Variants in RNF126 observed in about 807,000 individuals in gnomAD.
The protein encoded by RNF126 is E3 ubiquitin-protein ligase RNF126.
Under a neutral mutation model 41.9 loss-of-function variants are expected in RNF126, and 20 were observed. That is an observed-to-expected ratio of 0.48 (90% CI 0.34 to 0.69). The LOEUF (loss-of-function observed/expected upper bound fraction) is 0.69. Among genes scored for constraint, RNF126 ranks in the 30% least tolerant of loss-of-function variants. RNF126 has a pLI of 0.01. For synonymous variants in RNF126, 239 were observed against 202.9 expected (o/e 1.18, Z -1.51); for missense variants, 433 against 460.6 (o/e 0.94, Z 0.55).
Position 647,831 on chromosome 19 carries a change from T to C in RNF126, c.*297A>G, listed in dbSNP as rs979461843. On this transcript the variant is annotated 3_prime_UTR_variant, in exon 9 of 9. Transcript: ENST00000292363. Reference sequence around the variant, plus strand: ...CACGTGAGCTCAAACGTCCGTTTATTTCAAAGCAGTAATAATTTAAAATTA... The same window carrying C: ...CACGTGAGCTCAAACGTCCGTTTATCTCAAAGCAGTAATAATTTAAAATTA... 4 of 525,648 alleles carry C rather than the reference T, an allele frequency of 7.6e-6. No individual in the cohort carries two copies. The highest frequency in any genetic ancestry group is 1.9e-5 in the African/African-American group (1 of 51,426). 32.6% of individuals were successfully genotyped at this position (525,648 alleles called of 1,614,324 possible).
chr19:654,512 G>A (rs944196984), intron 1 of RNF126, among the ~76,000 whole-genome samples: 14 of 149,464 alleles, frequency 9.4e-5, no homozygotes, highest in African/African-American at 1.2e-4. Flanking sequence ...GTGTGGTGGC[G>A]GGCGCCTGTA....
At chr19:650,055 G>A (rs1420361426) in intron 5 of RNF126, among the ~76,000 whole-genome samples, 179 bp downstream of exon 5, 6 of 136,182 alleles carry the variant, frequency 4.4e-5, no homozygotes, top group African/African-American at 1.4e-4. Flanking sequence ...CTCACCAGGG[G>A]CCCAGGCTGG....
chr19:656,341 AC>A (rs2030561932), intron 1 of RNF126, among the ~76,000 whole-genome samples: 1 of 151,986 alleles, frequency 6.6e-6, no homozygotes, highest in African/African-American at 2.4e-5. Flanking sequence ...AAAAACAAAA[AC>A]AAAAAAAAGA....
At chr19:655,846 C>T (rs954615848) in intron 1 of RNF126, among the ~76,000 whole-genome samples, 1 of 152,150 alleles carries the variant, frequency 6.6e-6, no homozygotes, top group Non-Finnish European at 1.5e-5. Flanking sequence ...CACGACTCAA[C>T]CATGGAAAGG....
In RNF126 at chr19:659,757, C is replaced by T. The variant is rs913317158; in HGVS notation, c.75+3290G>A. ...TGCTGCTCAGACACCCAGACACCCT[C>T]GTCATCGCCTTTTTTTTTTTTTTTT... On this transcript the variant is annotated intron_variant, in intron 1 of 8. Coordinates refer to ENST00000292363, the MANE Select transcript of RNF126 (RefSeq NM_194460.3). This position sits in a 1 kb window ranked among gnomAD's most constrained non-coding sequence, Gnocchi z 4.9. Among the ~76,000 whole-genome samples the T allele has an allele frequency of 6.6e-6, 1 of 151,184 alleles. No individual in the cohort carries two copies. Among genetic ancestry groups the T allele is most frequent in the African/African-American group, 2.4e-5 (1 of 41,064 alleles).
chr19:663,071 G>A lies in RNF126; in HGVS notation c.51C>T (p.Ser17=). The part of the protein sequence containing the change: ...HPGRYFCHCC[S]VEIVPRLPDY... ...CCGGCAGGCGCGGGACGATCTCCAC[G>A]GAGCAGCAGTGGCAGAAGTACCGTC... The change falls in exon 1 of 9, where the codon TCC becomes TCT. Residue 17 remains serine (S), a synonymous_variant. Coordinates refer to ENST00000292363, the MANE Select transcript of RNF126 (RefSeq NM_194460.3). 2.2e-6 allele frequency: 3 copies of A among 1,373,572 alleles called. No homozygotes were observed. The highest frequency in any genetic ancestry group is 1.5e-5 in the South Asian group (1 of 64,674). 85.1% of individuals were successfully genotyped at this position (1,373,572 alleles called of 1,614,324 possible).
chr19:655,722 C>T (rs1050113139), intron 1 of RNF126, among the ~76,000 whole-genome samples: 2 of 152,166 alleles, frequency 1.3e-5, no homozygotes, highest in Non-Finnish European at 2.9e-5. Flanking sequence ...ACGAAGACAC[C>T]TGCCCACCAA....
chr19:654,252 G>A (rs1600636649), intron 1 of RNF126, among the ~76,000 whole-genome samples: 1 of 152,216 alleles, frequency 6.6e-6, no homozygotes, highest in Non-Finnish European at 1.5e-5. Context: ...AGAGTGAAGA[G>A]GCACCATCTA....
rs760534046 is a variant in RNF126 at position 651,793 on chromosome 19, G to A, written c.261C>T (p.Phe87=). The A allele has an allele frequency of 1.4e-5, 22 of 1,612,544 alleles. No homozygotes were observed. The highest frequency in any genetic ancestry group is 1.3e-4 in the Admixed American group (8 of 59,968). ...ACGTGGGGATCTCGAAGCTGTCATC[G>A]AAGATGCCGAAAGCAAACTGTCCGT... The part of the protein sequence containing the change: ...QGYGQFAFGI[F]DDSFEIPTFP... The change falls in exon 4 of 9, where the codon TTC becomes TTT. Residue 87 remains phenylalanine, a synonymous_variant. Transcript: ENST00000292363.
chr19:648,364 G>GGC lies in RNF126; in HGVS notation c.786+7_786+8insGC. ...CGGGGTGGGGGGGCGGGTGGGCGGG[G>GGC]CACTCACCTGCTCCAGCCAGGGCAC... On this transcript the variant is annotated splice_region_variant and intron_variant, in intron 8 of 8. Coordinates refer to ENST00000292363, the MANE Select transcript of RNF126 (RefSeq NM_194460.3). 9.8e-6 allele frequency: 5 copies of GGC among 510,408 alleles called. No homozygotes were observed. The highest frequency in any genetic ancestry group is 1.8e-5 in the Non-Finnish European group (5 of 278,280). The allele number at this position is 510,408 out of a possible 1,614,324, so 31.6% of individuals were successfully genotyped here.
At chr19:662,363 C>G (rs1368419090) in intron 1 of RNF126, among the ~76,000 whole-genome samples, 1 of 152,188 alleles carries the variant, frequency 6.6e-6, no homozygotes, top group African/African-American at 2.4e-5. Flanking sequence ...CGGTGAGGGG[C>G]GGCTGTAAAC....
At position 647,900 on chromosome 19, in the gene RNF126, C is replaced by CA. The variant is rs2030030402; in HGVS notation, c.*227dup. The CA allele has an allele frequency of 3.1e-6, 2 of 644,486 alleles. No homozygotes were observed. The highest frequency in any genetic ancestry group is 1.8e-5 in the African/African-American group (1 of 54,542). The allele number at this position is 644,486 out of a possible 1,614,324, so 39.9% of individuals were successfully genotyped here. A position where few individuals can be genotyped will look rare whatever the true frequency, so the allele number is the denominator to read the frequency against. ...TGAACGTTTAGAGGGTGAGGTTAGACAGAGGACGGGGAGGCTGGGGACGCC... is the reference window on the plus strand; with the variant it reads ...TGAACGTTTAGAGGGTGAGGTTAGACAAGAGGACGGGGAGGCTGGGGACGCC... On this transcript the variant is annotated 3_prime_UTR_variant, in exon 9 of 9. Coordinates refer to ENST00000292363, the MANE Select transcript of RNF126 (RefSeq NM_194460.3).
rs538738565 is a variant in RNF126, at chr19:663,030, C to T, written c.75+17G>A. Reference sequence around the variant, plus strand: ...CGGCGCAGACCCTGCCGCCCGCCGCCCCGGCCCGGGCCTCACCGGCAGGCG... The same window carrying T: ...CGGCGCAGACCCTGCCGCCCGCCGCTCCGGCCCGGGCCTCACCGGCAGGCG... On this transcript the variant is annotated intron_variant, in intron 1 of 8. Coordinates refer to ENST00000292363, the MANE Select transcript of RNF126 (RefSeq NM_194460.3). 3 of 1,330,842 alleles carry T rather than the reference C, an allele frequency of 2.3e-6. No homozygotes were observed. Among genetic ancestry groups the T allele is most frequent in the South Asian group, 1.7e-5 (1 of 59,012 alleles). 82.4% of individuals were successfully genotyped at this position (1,330,842 alleles called of 1,614,324 possible).
intron 1 of RNF126, among the ~76,000 whole-genome samples, chr19:654,316 C>A (rs990407405): frequency 6.6e-6 from 1 of 152,196 alleles, no homozygotes; most frequent in Non-Finnish European, 1.5e-5. Context: ...GCACCACATG[C>A]GTTTCAGCCC....
chr19:651,044 A>C (rs973936817), intron 4 of RNF126, among the ~76,000 whole-genome samples: 1 of 152,182 alleles, frequency 6.6e-6, no homozygotes, highest in Non-Finnish European at 1.5e-5. Context: ...AGCCACTTTT[A>C]AAGATGACAT....
At chr19:656,745 T>C (rs974231297) in intron 1 of RNF126, among the ~76,000 whole-genome samples, 1 of 152,170 alleles carries the variant, frequency 6.6e-6, no homozygotes, top group African/African-American at 2.4e-5. Flanking sequence ...TCTGCCACAG[T>C]GGCCGTGACA....
Position 663,086 on chromosome 19 carries a change from G to T in RNF126, c.36C>A (p.Phe12Leu). Residue 12 changes from phenylalanine to leucine, a missense_variant, in exon 1 of 9, where the codon TTC becomes TTA. Physicochemically the swap from Phe to Leu is conservative, Grantham distance 22. Transcript: ENST00000292363. ...AEASPHPGRY[F>L]CHCCSVEIVP... The stretch of plus-strand genomic sequence containing the variant: ...CGATCTCCACGGAGCAGCAGTGGCA[G>T]AAGTACCGTCCGGGATGCGGCGACG... The T allele has an allele frequency of 3.7e-6, 5 of 1,362,320 alleles. No homozygotes were observed. The highest frequency in any genetic ancestry group is 3.8e-6 in the Non-Finnish European group (4 of 1,051,432). The allele number at this position is 1,362,320 out of a possible 1,614,324, so 84.4% of individuals were successfully genotyped here.
At chr19:649,074 G>A (rs556605026) in intron 6 of RNF126, 99 bp from the exon 7 acceptor site, 15 of 560,564 alleles carry the variant, frequency 2.7e-5, no homozygotes, top group African/African-American at 1.4e-4. Flanking sequence ...CCGAGGCCGC[G>A]TTTGTCCTGG....
At chr19:652,648 C>T (rs1396498292) in intron 2 of RNF126, 178 bp downstream of exon 2, 17 of 637,380 alleles carry the variant, frequency 2.7e-5, no homozygotes, top group Non-Finnish European at 4.1e-5. Context: ...CCCGGCCCGG[C>T]CATCACAGAA....
Sources: allele counts gnomAD v4.1 joint callset (sites outside exome capture counted in the v4.1 genomes callset), GRCh38; gene constraint gnomAD v4.1.1; non-coding constraint Gnocchi (gnomAD v3.1); transcripts MANE v1.5; gene names NCBI Gene and HGNC (gene_info 2026-07-23, HGNC 2026-07-21).